Variants in PDZRN4 observed in about 807,000 individuals in gnomAD.
The protein encoded by PDZRN4 is PDZ domain-containing RING finger protein 4.
PDZRN4 carries 70 observed loss-of-function variants against 99.0 expected under a neutral mutation model. That is an observed-to-expected ratio of 0.71 (90% confidence interval 0.58 to 0.86). The LOEUF (loss-of-function observed/expected upper bound fraction) is 0.86. PDZRN4 is among the 40% of genes least tolerant of loss of function. The pLI, the probability that PDZRN4 is intolerant of heterozygous loss-of-function variation, is 0.00. For missense variants in PDZRN4, 1,474 were observed against 1,331.2 expected, an observed-to-expected ratio of 1.11 and a Z score of -1.67; for synonymous variants, 551 against 501.6, an observed-to-expected ratio of 1.10 and a Z score of -1.32.
chr12:41,372,374 T>C (rs945813451), intron 3 of PDZRN4, among the ~76,000 whole-genome samples: 1 of 152,134 alleles, frequency 6.6e-6, no homozygotes, highest in East Asian at 1.9e-4. Flanking sequence ...AGCAAACTAG[T>C]CGGGTGGAAA....
At chr12:41,525,432 A>C (rs530765990) in intron 5 of PDZRN4, among the ~76,000 whole-genome samples, 33 of 152,318 alleles carry the variant, frequency 2.2e-4, no homozygotes, top group African/African-American at 7.7e-4. Context: ...ACTTCATAGG[A>C]TTATATGAGA....
intron 7 of PDZRN4, among the ~76,000 whole-genome samples, chr12:41,562,600 T>C (rs985945827): frequency 1.3e-5 from 2 of 152,098 alleles, no homozygotes; most frequent in African/African-American, 4.8e-5. Flanking sequence ...TCTATGGAGT[T>C]GAGTAATCAA....
chr12:41,473,155 G>T (rs1316961736), intron 3 of PDZRN4, among the ~76,000 whole-genome samples: 1 of 151,748 alleles, frequency 6.6e-6, no homozygotes, highest in Non-Finnish European at 1.5e-5. Context: ...CTGACCCTAT[G>T]AAATCACCAT....
intron 3 of PDZRN4, chr12:41,438,132 G>A: frequency 3.2e-6 from 4 of 1,247,974 alleles, no homozygotes; most frequent in Non-Finnish European, 4.6e-6. Context: ...ATTGAGGGCA[G>A]ACTTGCTGGT....
chr12:41,529,968 C>T (rs1938633558), intron 5 of PDZRN4, among the ~76,000 whole-genome samples: 1 of 152,142 alleles, frequency 6.6e-6, no homozygotes, highest in Admixed American at 6.5e-5. Flanking sequence ...TGCCATGTTC[C>T]AACAATTACC....
chr12:41,444,067 A>G (rs1006385090), intron 3 of PDZRN4, among the ~76,000 whole-genome samples: 1 of 152,104 alleles, frequency 6.6e-6, no homozygotes, highest in African/African-American at 2.4e-5. Flanking sequence ...AGTCAAGAGG[A>G]GAGAGATTTA....
chr12:41,307,029 T>A (rs1188241783), intron 3 of PDZRN4, among the ~76,000 whole-genome samples: 1 of 152,128 alleles, frequency 6.6e-6, no homozygotes, highest in African/African-American at 2.4e-5. Flanking sequence ...CCTTTAATAA[T>A]CCCTTTATGG....
chr12:41,466,979 C>A (rs1164980026), intron 3 of PDZRN4, among the ~76,000 whole-genome samples: 3 of 152,222 alleles, frequency 2.0e-5, no homozygotes, highest in African/African-American at 7.2e-5. Context: ...GTGGCTGCTG[C>A]TGCTGCTGAC....
intron 3 of PDZRN4, among the ~76,000 whole-genome samples, chr12:41,458,458 A>T (rs559184966): frequency 6.6e-6 from 1 of 152,340 alleles, no homozygotes; most frequent in South Asian, 2.1e-4. Context: ...CACCCAGCCG[A>T]GAGTGACTTT....
chr12:41,530,894 G>C (rs976170197), intron 5 of PDZRN4, among the ~76,000 whole-genome samples: 5 of 152,068 alleles, frequency 3.3e-5, no homozygotes, highest in African/African-American at 9.7e-5. Context: ...GAGTGCAATG[G>C]GGGTGTGGCT....
At chr12:41,320,020 G>A (rs1951664609) in intron 3 of PDZRN4, among the ~76,000 whole-genome samples, 1 of 152,184 alleles carries the variant, frequency 6.6e-6, no homozygotes, top group African/African-American at 2.4e-5. Context: ...CACGTCTTTA[G>A]GCATTTATTC....
chr12:41,313,450 G>A (rs564953420), intron 3 of PDZRN4, among the ~76,000 whole-genome samples: 1 of 152,218 alleles, frequency 6.6e-6, no homozygotes, highest in South Asian at 2.1e-4. Context: ...CTTATCTCCA[G>A]CGGACTGGTA....
At chr12:41,193,819 C>G (rs1950752511) in intron 2 of PDZRN4, among the ~76,000 whole-genome samples, 1 of 151,986 alleles carries the variant, frequency 6.6e-6, no homozygotes, top group African/African-American at 2.4e-5. Flanking sequence ...TTGTACATGC[C>G]CTTTCCCATA....
chr12:41,562,043 G>A (rs902950191), intron 7 of PDZRN4, among the ~76,000 whole-genome samples: 2 of 151,990 alleles, frequency 1.3e-5, no homozygotes, highest in African/African-American at 2.4e-5. Context: ...ATTTCCCATT[G>A]TGGAATCGTA....
At position 41,266,290 on chromosome 12, in the gene PDZRN4, G is replaced by A. The variant is rs1303101006; in HGVS notation, c.843+72102G>A. The stretch of plus-strand genomic sequence containing the variant: ...CCCGCCACTGCACTCCAGCCTGGGC[G>A]ACAGAGCGAGACTCCGTCTCAAAAA... On this transcript the variant is annotated intron_variant, in intron 3 of 9. Coordinates refer to ENST00000402685, the MANE Select transcript of PDZRN4 (RefSeq NM_001164595.2). Among the ~76,000 whole-genome samples, 3 of 7,658 alleles carry A rather than the reference G, an allele frequency of 3.9e-4. 1 individual carries two copies. Among genetic ancestry groups the A allele is most frequent in the Non-Finnish European group, 5.3e-4 (2 of 3,800 alleles). 5.0% of individuals were successfully genotyped at this position (7,658 alleles called of 152,430 possible).
At chr12:41,276,311 C>A (rs1175863686) in intron 3 of PDZRN4, among the ~76,000 whole-genome samples, 1 of 151,972 alleles carries the variant, frequency 6.6e-6, no homozygotes, top group Non-Finnish European at 1.5e-5. Context: ...AGAAACCATA[C>A]AAGAAAATGA....
At chr12:41,222,058 C>T (rs956261937) in intron 3 of PDZRN4, among the ~76,000 whole-genome samples, 4 of 152,160 alleles carry the variant, frequency 2.6e-5, no homozygotes, top group African/African-American at 7.2e-5. Context: ...TATTCCTTCA[C>T]GTGGAGTTGA....
At chr12:41,194,577 G>A (rs1950759754) in intron 3 of PDZRN4, among the ~76,000 whole-genome samples, 1 of 152,188 alleles carries the variant, frequency 6.6e-6, no homozygotes, top group South Asian at 2.1e-4. Context: ...AACCCAGGAG[G>A]TCAAGGCTGT....
chr12:41,470,136 C>T (rs1024061889), intron 3 of PDZRN4, among the ~76,000 whole-genome samples: 3 of 152,066 alleles, frequency 2.0e-5, no homozygotes, highest in Non-Finnish European at 4.4e-5. Context: ...CTCTGTTTAT[C>T]GAGATGGGTT....
Sources: gnomAD v4.1 joint callset for allele counts (sites outside exome capture counted in the v4.1 genomes callset) on GRCh38, gnomAD v4.1.1 for gene constraint, MANE v1.5 for transcripts, NCBI Gene and HGNC (gene_info 2026-07-23, HGNC 2026-07-21) for gene names.